The following TNFSF8 variants were observed in gnomAD, a reference collection of about 807,000 sequenced individuals.
TNFSF8 encodes the protein TNF superfamily member 8, also known as tumor necrosis factor ligand superfamily member 8.
TNFSF8 carries 4 observed loss-of-function variants against 22.0 expected under a neutral mutation model. That is an observed-to-expected ratio of 0.18 (90% CI 0.09 to 0.42). The LOEUF is 0.42. Ranked by LOEUF, TNFSF8 falls within the 10% of genes least tolerant of loss-of-function variation. The pLI, the probability that TNFSF8 is intolerant of heterozygous loss-of-function variation, is 1.00. For missense variants in TNFSF8, 233 were observed against 281.8 expected, an observed-to-expected ratio of 0.83 and a Z score of 1.24; for synonymous variants, 106 against 112.5, an observed-to-expected ratio of 0.94 and a Z score of 0.37.
chr9:114,923,512 TTCTTTCTTTC>T lies in TNFSF8; in HGVS notation c.196-5384_196-5375del, dbSNP rs1180242533. On this transcript the variant is annotated intron_variant, in intron 1 of 3. Transcript: ENST00000223795. ...TTTCTTTCTTTCTTTCTTTCTTTCTTTCTTTCTTTCTTTTTTTTTTTTTGAGATGAAATCT... is the reference window on the plus strand; with the variant it reads ...TTTCTTTCTTTCTTTCTTTCTTTCTTTTTTTTTTTTTTTGAGATGAAATCT... Among the ~76,000 whole-genome samples, 176 of 87,428 alleles carry T rather than the reference TTCTTTCTTTC, an allele frequency of 2.0e-3. 1 individual carries two copies. Among genetic ancestry groups the T allele is most frequent in the East Asian group, 4.1e-3 (12 of 2,908 alleles). 57.4% of individuals were successfully genotyped at this position (87,428 alleles called of 152,430 possible). A position where few individuals can be genotyped will look rare whatever the true frequency, so the allele number is the denominator to read the frequency against.
chr9:114,917,599 A>G (rs1827935571), intron 2 of TNFSF8, among the ~76,000 whole-genome samples: 1 of 152,214 alleles, frequency 6.6e-6, no homozygotes, highest in South Asian at 2.1e-4. Context: ...CCTTGACTTC[A>G]TTATGCATTT....
At chr9:114,909,765 A>C (rs938379209) in intron 2 of TNFSF8, among the ~76,000 whole-genome samples, 5 of 152,204 alleles carry the variant, frequency 3.3e-5, no homozygotes, top group African/African-American at 1.2e-4. Context: ...CTGTGTCTTC[A>C]CACATTCAGG....
At chr9:114,910,893 CT>C (rs1163598209) in intron 2 of TNFSF8, among the ~76,000 whole-genome samples, 2 of 152,156 alleles carry the variant, frequency 1.3e-5, no homozygotes, top group African/African-American at 4.8e-5. Context: ...CTGGTCATAG[CT>C]TTTAGCTCTG....
At chr9:114,908,324 C>T (rs747974927) in intron 2 of TNFSF8, among the ~76,000 whole-genome samples, 10 of 152,224 alleles carry the variant, frequency 6.6e-5, no homozygotes, top group Non-Finnish European at 1.3e-4. Flanking sequence ...TGAATCAGGA[C>T]GCTTGGCTTG....
intron 2 of TNFSF8, among the ~76,000 whole-genome samples, chr9:114,917,161 C>A (rs1827929751): frequency 6.6e-6 from 1 of 152,172 alleles, no homozygotes; most frequent in South Asian, 2.1e-4. Flanking sequence ...TCATCTGTGT[C>A]CTCTGGTCTC....
rs1385023153 is a variant in TNFSF8, at chr9:114,918,159, A to G, written c.196-21T>C. 3 of 1,601,604 alleles carry G rather than the reference A, an allele frequency of 1.9e-6. No homozygotes were observed. The African/African-American group carries it at 4.0e-5, about 22-fold the overall frequency. ...GAGTCCTGGAAGAAAAGAAAGAAAAAAGCAGCATGAGGTGTGACATTCAGT... is the reference window on the plus strand; with the variant it reads ...GAGTCCTGGAAGAAAAGAAAGAAAAGAGCAGCATGAGGTGTGACATTCAGT... On this transcript the variant is annotated intron_variant, in intron 1 of 3. Coordinates refer to ENST00000223795, the MANE Select transcript of TNFSF8 (RefSeq NM_001244.4).
At position 114,902,347 on chromosome 9, in the gene TNFSF8, G is replaced by C. The variant is rs1827728183; in HGVS notation, c.*1584C>G. ...GCAGGAATATATTATGCAGGGGATGGAGCAGCCATTCCCTGGCTAGATGAC... is the reference window on the plus strand; with the variant it reads ...GCAGGAATATATTATGCAGGGGATGCAGCAGCCATTCCCTGGCTAGATGAC... On this transcript the variant is annotated 3_prime_UTR_variant, in exon 4 of 4. Transcript: ENST00000223795. 1.0e-6 allele frequency: 1 copy of C among 985,412 alleles called. No homozygotes were observed. 61.0% of individuals were successfully genotyped at this position (985,412 alleles called of 1,614,324 possible). A position where few individuals can be genotyped will look rare whatever the true frequency, so the allele number is the denominator to read the frequency against.
chr9:114,925,087 G>A (rs953699798), intron 1 of TNFSF8, among the ~76,000 whole-genome samples: 2 of 152,130 alleles, frequency 1.3e-5, no homozygotes, highest in African/African-American at 4.8e-5. Context: ...GAGGTGTAGA[G>A]TCAGCAAACA....
intron 1 of TNFSF8, among the ~76,000 whole-genome samples, chr9:114,921,847 G>A (rs145483345): frequency 5.0e-4 from 76 of 152,284 alleles, no homozygotes; most frequent in Non-Finnish European, 4.0e-4. Flanking sequence ...GGTTATCAAC[G>A]AGGTATACTT....
Position 114,912,698 on chromosome 9 carries a change from C to A in TNFSF8, c.238+5398G>T, listed in dbSNP as rs182685517. Among the ~76,000 whole-genome samples, 286 of 152,308 alleles carry A rather than the reference C, an allele frequency of 1.9e-3. 1 individual carries two copies. The highest frequency in any genetic ancestry group is 6.8e-3 in the Middle Eastern group (2 of 294). ...CTTCCAGTGTGGTGTTCCGCTAGGG[C>A]GGCTGTCATCTGATTGTGACCATGG... On this transcript the variant is annotated intron_variant, in intron 2 of 3. Transcript: ENST00000223795.
At chr9:114,898,321 G>C (rs5003740), downstream of TNFSF8, among the ~76,000 whole-genome samples, 28,040 of 152,078 alleles carry the variant, frequency 0.18, 3,222 homozygotes, top group Admixed American at 0.36. Context: ...CTATTTCGTT[G>C]GATTGCTTTG....
At chr9:114,927,650 C>G (rs1169865073) in intron 1 of TNFSF8, among the ~76,000 whole-genome samples, 1 of 152,186 alleles carries the variant, frequency 6.6e-6, no homozygotes, top group Non-Finnish European at 1.5e-5. Context: ...TATGTTATGA[C>G]TTAGCTGTTT....
chr9:114,906,050 G>T, intron 2 of TNFSF8, 151 bp from the exon 3 acceptor site: 1 of 562,956 alleles, frequency 1.8e-6, no homozygotes, highest in Non-Finnish European at 3.1e-6. Context: ...TTCTCATTTT[G>T]CCATCAGGTA....
At chr9:114,913,230 T>C (rs747624771) in intron 2 of TNFSF8, among the ~76,000 whole-genome samples, 1 of 152,164 alleles carries the variant, frequency 6.6e-6, no homozygotes, top group South Asian at 2.1e-4. Context: ...GTCTATCCAC[T>C]GTTCCAACTT....
intron 1 of TNFSF8, among the ~76,000 whole-genome samples, chr9:114,919,020 G>GT (rs11372040): frequency 0.22 from 31,335 of 144,044 alleles, 6,467 homozygotes; most frequent in African/African-American, 0.55. Context: ...AAGTAGATGT[G>GT]TTTTTTTTTT....
At chr9:114,905,515 G>A (rs1158676382) in intron 3 of TNFSF8, among the ~76,000 whole-genome samples, 3 of 152,248 alleles carry the variant, frequency 2.0e-5, no homozygotes, top group South Asian at 2.1e-4. Flanking sequence ...AATAAGGAGG[G>A]GTGAGGGGTG....
intron 2 of TNFSF8, among the ~76,000 whole-genome samples, chr9:114,911,478 G>C (rs762424104): frequency 6.6e-6 from 1 of 152,096 alleles, no homozygotes; most frequent in Non-Finnish European, 1.5e-5. Context: ...TCAACTATTA[G>C]GTTGGTGCAA....
At chr9:114,900,373 A>G (rs1266035382), downstream of TNFSF8, among the ~76,000 whole-genome samples, 1 of 152,216 alleles carries the variant, frequency 6.6e-6, no homozygotes, top group Non-Finnish European at 1.5e-5. Flanking sequence ...TGGAAGTCCC[A>G]TTGGTTGGAA....
At chr9:114,919,235 G>A (rs781377725) in intron 1 of TNFSF8, among the ~76,000 whole-genome samples, 2 of 151,916 alleles carry the variant, frequency 1.3e-5, no homozygotes, top group Non-Finnish European at 2.9e-5. Flanking sequence ...GTATACACAT[G>A]TAGTATACAT....
Sources: gnomAD v4.1 joint callset for allele counts (sites outside exome capture counted in the v4.1 genomes callset) on GRCh38, gnomAD v4.1.1 for gene constraint, MANE v1.5 for transcripts, NCBI Gene and HGNC (gene_info 2026-07-23, HGNC 2026-07-21) for gene names.